MAP3K19: variants seen among roughly 807,000 people sequenced by gnomAD.
The protein encoded by MAP3K19 is SPS1/STE20-related protein kinase YSK4.
A neutral mutation model predicts 114.4 loss-of-function variants in MAP3K19; 91 were observed. The observed-to-expected ratio is 0.80, with a 90% CI of 0.67 to 0.95. The LOEUF (loss-of-function observed/expected upper bound fraction) is 0.95, where lower values mean the gene tolerates loss of function less well. MAP3K19 is among the 40% of genes least tolerant of loss of function. The pLI is 0.00. For missense variants in MAP3K19, 1,471 were observed against 1,573.2 expected (o/e 0.94, Z 1.10); for synonymous variants, 518 against 530.5 (o/e 0.98, Z 0.32).
chr2:135,032,481 CAT>C (rs1688406389), intron 2 of MAP3K19, among the ~76,000 whole-genome samples: 1 of 151,356 alleles, frequency 6.6e-6, no homozygotes, highest in Admixed American at 6.6e-5. Context: ...GAAATGAAAA[CAT>C]ATACTCACAC....
At chr2:134,996,745 G>A (rs1047565031) in intron 8 of MAP3K19, among the ~76,000 whole-genome samples, 1 of 152,142 alleles carries the variant, frequency 6.6e-6, no homozygotes, top group Non-Finnish European at 1.5e-5. Flanking sequence ...GCTGAAAGAG[G>A]CTGTTGAAGC....
intron 5 of MAP3K19, among the ~76,000 whole-genome samples, chr2:135,020,927 A>G (rs998957721): frequency 2.6e-5 from 4 of 152,236 alleles, no homozygotes; most frequent in Non-Finnish European, 2.9e-5. Flanking sequence ...AGTCTCAGGT[A>G]GTATCTATAG....
At position 134,998,966 on chromosome 2, in the gene MAP3K19, G is replaced by T; in HGVS notation, c.346C>A (p.Gln116Lys). The T allele has an allele frequency of 6.2e-7, 1 of 1,613,814 alleles. No individual in the cohort carries two copies. The highest frequency in any genetic ancestry group is 8.5e-7 in the Non-Finnish European group (1 of 1,179,994). ...LINSSLQEWA[Q>K]AHAVSHPNEI... ...TTTGGATGAGAAACTGCATGTGCTTGTGCCCATTCTTGAAGCGATGAGTTT... is the reference window on the plus strand; with the variant it reads ...TTTGGATGAGAAACTGCATGTGCTTTTGCCCATTCTTGAAGCGATGAGTTT... The change falls in exon 8 of 13, where the codon CAA becomes AAA. Residue 116 changes from glutamine to lysine, a missense_variant. Gln to Lys is a moderately conservative substitution (Grantham distance 53). Coordinates refer to ENST00000392915, the MANE Select transcript of MAP3K19 (RefSeq NM_025052.5).
chr2:134,977,684 A>G (rs1224914047), intron 12 of MAP3K19, among the ~76,000 whole-genome samples: 1 of 151,958 alleles, frequency 6.6e-6, no homozygotes, highest in African/African-American at 2.4e-5. Flanking sequence ...TTTTGTAGAA[A>G]CAGGGTCTCC....
chr2:135,007,909 C>CT (rs1480728483), intron 5 of MAP3K19, among the ~76,000 whole-genome samples: 2 of 152,094 alleles, frequency 1.3e-5, no homozygotes, highest in Non-Finnish European at 2.9e-5. Context: ...CACCTATAAC[C>CT]TGACAACCAA....
At chr2:135,007,986 G>A (rs1423229298) in intron 5 of MAP3K19, among the ~76,000 whole-genome samples, 1 of 152,116 alleles carries the variant, frequency 6.6e-6, no homozygotes, top group African/African-American at 2.4e-5. Context: ...TAAAAATATA[G>A]TTGCATCACA....
intron 8 of MAP3K19, among the ~76,000 whole-genome samples, chr2:134,996,071 C>A (rs1032590975): frequency 3.9e-5 from 6 of 152,140 alleles, no homozygotes; most frequent in African/African-American, 1.4e-4. Context: ...TCCCGAGTAG[C>A]TGAGCCTATA....
At chr2:134,976,240 A>C (rs961883605) in intron 12 of MAP3K19, among the ~76,000 whole-genome samples, 2 of 152,228 alleles carry the variant, frequency 1.3e-5, no homozygotes, top group Admixed American at 1.3e-4. Flanking sequence ...GTAGCTGCTT[A>C]GGACTCAGGT....
chr2:135,003,606 G>C (rs1573995769), intron 6 of MAP3K19, among the ~76,000 whole-genome samples: 1 of 152,176 alleles, frequency 6.6e-6, no homozygotes, highest in Non-Finnish European at 1.5e-5. Context: ...CCAGGTTGGA[G>C]TGCAATGGTA....
chr2:134,991,494 T>C, intron 9 of MAP3K19, 43 bp downstream of exon 9: 2 of 1,536,330 alleles, frequency 1.3e-6, no homozygotes, highest in Non-Finnish European at 1.8e-6. Flanking sequence ...ATAGAGTTGT[T>C]TGGTTTTAAT....
intron 1 of MAP3K19, 143 bp downstream of exon 1, chr2:135,047,042 A>G (rs1688759414): frequency 6.6e-6 from 1 of 152,250 alleles, no homozygotes. Flanking sequence ...TTACAACTCC[A>G]AGGATATTAT....
intron 8 of MAP3K19, among the ~76,000 whole-genome samples, chr2:134,995,759 T>C (rs958206727): frequency 1.3e-5 from 2 of 152,108 alleles, no homozygotes; most frequent in African/African-American, 4.8e-5. Context: ...ACAGAGACAT[T>C]GAATATTGAT....
chr2:135,019,484 G>T (rs1436681992), intron 5 of MAP3K19, among the ~76,000 whole-genome samples: 1 of 152,050 alleles, frequency 6.6e-6, no homozygotes, highest in Non-Finnish European at 1.5e-5. Flanking sequence ...GAGGCTAGGA[G>T]TTCAAAAAAT....
intron 3 of MAP3K19, among the ~76,000 whole-genome samples, chr2:135,025,540 C>T (rs930138961): frequency 1.3e-5 from 2 of 152,004 alleles, no homozygotes; most frequent in Non-Finnish European, 2.9e-5. Flanking sequence ...GGCCCGCCAC[C>T]ATGCCCGGCT....
At chr2:134,998,493 A>G (rs992128663) in intron 8 of MAP3K19, among the ~76,000 whole-genome samples, 40 of 152,376 alleles carry the variant, frequency 2.6e-4, no homozygotes, top group Middle Eastern at 6.8e-3. Flanking sequence ...GAACAAATAT[A>G]TAAACATTTG....
At position 134,987,805 on chromosome 2, in the gene MAP3K19, G is replaced by A. The variant is rs143127646; in HGVS notation, c.1067C>T (p.Thr356Met). The change falls in exon 10 of 13, where the codon ACG becomes ATG. Residue 356 changes from threonine to methionine, a missense_variant. By Grantham distance (81) the Thr-to-Met change is moderately conservative. Coordinates refer to ENST00000392915, the MANE Select transcript of MAP3K19 (RefSeq NM_025052.5). ...AGAGTTCTCTTCTTCAGGTTTTCGC[G>A]TTTTACTACCATGGCAGTCAATATC... ...EEDIDCHGSK[T>M]RKPEEENSQY... 48 of 1,607,612 alleles carry A rather than the reference G, an allele frequency of 3.0e-5. No homozygotes were observed. The highest frequency in any genetic ancestry group is 1.6e-4 in the Middle Eastern group (1 of 6,084).
At chr2:135,026,149 G>C (rs1229082612) in intron 3 of MAP3K19, among the ~76,000 whole-genome samples, 2 of 152,154 alleles carry the variant, frequency 1.3e-5, no homozygotes, top group African/African-American at 4.8e-5. Flanking sequence ...CTTTAAGCAA[G>C]CCACTTATCA....
chr2:134,965,145 T>C (rs1484290332), intron 12 of MAP3K19, among the ~76,000 whole-genome samples: 1 of 152,188 alleles, frequency 6.6e-6, no homozygotes, highest in East Asian at 1.9e-4. Context: ...ATTGGGAGAA[T>C]TAAATAATAT....
chr2:134,971,313 G>A (rs572414675), intron 12 of MAP3K19, among the ~76,000 whole-genome samples: 2 of 152,160 alleles, frequency 1.3e-5, no homozygotes, highest in Non-Finnish European at 2.9e-5. Context: ...GTTGGGTTAG[G>A]TTTGCTAGTA....
Sources: gnomAD v4.1 joint callset for allele counts (sites outside exome capture counted in the v4.1 genomes callset) on GRCh38, gnomAD v4.1.1 for gene constraint, MANE v1.5 for transcripts, NCBI Gene and HGNC (gene_info 2026-07-23, HGNC 2026-07-21) for gene names.